CTBP1: variants seen among roughly 807,000 people sequenced by gnomAD.
CTBP1 encodes the protein C-terminal-binding protein 1.
In CTBP1, 11 loss-of-function variants were observed where a neutral mutation model predicts 42.1. The ratio of observed to expected loss-of-function variants is 0.26; its 90% CI spans 0.16 to 0.43. The LOEUF is 0.43. Ranked by LOEUF, CTBP1 falls within the 20% of genes least tolerant of loss-of-function variation. The pLI is 1.00. For missense variants in CTBP1, 399 were observed against 624.3 expected, an observed-to-expected ratio of 0.64 and a Z score of 3.85; for synonymous variants, 324 against 277.1, an observed-to-expected ratio of 1.17 and a Z score of -1.68.
chr4:1,241,561 G>A (rs754610099), intron 1 of CTBP1, 42 bp from the exon 2 acceptor site: 53 of 1,529,584 alleles, frequency 3.5e-5, no homozygotes, highest in Non-Finnish European at 4.5e-5. Flanking sequence ...TGCCATCGAA[G>A]GTCCGACCAG....
At position 1,223,040 on chromosome 4, in the gene CTBP1, C is replaced by A. The variant is rs113150506; in HGVS notation, c.514+2320G>T. 2.4e-3 allele frequency among the ~76,000 whole-genome samples: 366 copies of A among 151,606 alleles called. 1 individual carries two copies. The highest frequency in any genetic ancestry group is 8.4e-3 in the African/African-American group (347 of 41,376). On this transcript the variant is annotated intron_variant, in intron 5 of 9. Coordinates refer to ENST00000382952, the MANE Select transcript of CTBP1 (RefSeq NM_001012614.2). ...AGGCAAGGCACACATGAGGCGCCTC[C>A]TGTCCTGTGGGCTTGCTCTGGAGAC... is the stretch of plus-strand genomic sequence containing the variant.
At chr4:1,224,500 CTG>C (rs1345623863) in intron 5 of CTBP1, among the ~76,000 whole-genome samples, 4 of 151,232 alleles carry the variant, frequency 2.6e-5, no homozygotes, top group African/African-American at 9.8e-5. Context: ...TGTGTGATGT[CTG>C]TGAGGCCCAC....
At position 1,212,304 on chromosome 4, in the gene CTBP1, G is replaced by C. The variant is rs1728617893; in HGVS notation, c.1226C>G (p.Ala409Gly). 2 of 1,531,546 alleles carry C rather than the reference G, an allele frequency of 1.3e-6. No homozygotes were observed. Among genetic ancestry groups the C allele is most frequent in the Non-Finnish European group, 1.8e-6 (2 of 1,142,084 alleles). The allele number at this position is 1,531,546 out of a possible 1,614,324, so 94.9% of individuals were successfully genotyped here. The change falls in exon 10 of 10, where the codon GCC (alanine) becomes GGC (glycine). Residue 409 changes from alanine (A) to glycine (G), a missense_variant. Coordinates refer to ENST00000382952, the MANE Select transcript of CTBP1 (RefSeq NM_001012614.2). ...GLPPVAHPPH[A>G]PSPGQTVKPE... ...CTTGACGGTTTGGCCAGGAGAAGGG[G>C]CGTGGGGCGGGTGGGCCACAGGGGG...
At chr4:1,246,303 T>C (rs730830) in intron 1 of CTBP1, among the ~76,000 whole-genome samples, 122,677 of 152,070 alleles carry the variant, frequency 0.81, 51,144 homozygotes, top group East Asian at 0.97. Context: ...AGCGTTCCCT[T>C]GGGCGATGCA....
chr4:1,212,638 A>T, intron 9 of CTBP1: 1 of 609,630 alleles, frequency 1.6e-6, no homozygotes, highest in Admixed American at 3.1e-5. Flanking sequence ...CTTGAACATG[A>T]GGTCTTCGCC....
At chr4:1,248,667 G>T (rs1047317895) in intron 1 of CTBP1, 2 of 982,972 alleles carry the variant, frequency 2.0e-6, no homozygotes, top group African/African-American at 3.5e-5. Context: ...TCACCTGCAC[G>T]GGCCGCGGGC....
intron 4 of CTBP1, among the ~76,000 whole-genome samples, chr4:1,226,062 C>G (rs1730309794): frequency 2.0e-5 from 3 of 152,156 alleles, no homozygotes; most frequent in Admixed American, 2.0e-4. Flanking sequence ...GCCCCTTCCG[C>G]CCTCCATGCC....
At chr4:1,217,813 G>A (rs550035804) in intron 5 of CTBP1, 4 of 152,312 alleles carry the variant, frequency 2.6e-5, no homozygotes, top group Non-Finnish European at 4.4e-5. Flanking sequence ...CACTGGAAGC[G>A]GACAGACGCA....
chr4:1,227,342 AGT>A (rs1030759096), intron 4 of CTBP1, among the ~76,000 whole-genome samples: 24 of 146,580 alleles, frequency 1.6e-4, no homozygotes, highest in African/African-American at 5.6e-4. Context: ...GGTGCAGATG[AGT>A]GTGTGTGTTC....
rs1171393348 is a variant in CTBP1, at chr4:1,212,226, G to C, written c.*14C>G. 17 of 1,441,660 alleles carry C rather than the reference G, an allele frequency of 1.2e-5. No individual in the cohort carries two copies. The highest frequency in any genetic ancestry group is 2.8e-5 in the Admixed American group (1 of 35,098). 89.3% of individuals were successfully genotyped at this position (1,441,660 alleles called of 1,614,324 possible). Reference sequence around the variant, plus strand: ...CCTCTGCCCAGGCGCCGAGGCTGGAGAGCTCCTCCCGGGCTACAACTGGTC... The same window carrying C: ...CCTCTGCCCAGGCGCCGAGGCTGGACAGCTCCTCCCGGGCTACAACTGGTC... On this transcript the variant is annotated 3_prime_UTR_variant, in exon 10 of 10. Transcript: ENST00000382952.
chr4:1,238,870 G>A lies in CTBP1; in HGVS notation c.8-533C>T, dbSNP rs1014516590. ...AGCTCCATGAGGCAGGGGGACAGGAGGGACCCAGGACACTGGAGGACACAA... is the reference window on the plus strand; with the variant it reads ...AGCTCCATGAGGCAGGGGGACAGGAAGGACCCAGGACACTGGAGGACACAA... On this transcript the variant is annotated intron_variant, in intron 2 of 9. Coordinates refer to ENST00000382952, the MANE Select transcript of CTBP1 (RefSeq NM_001012614.2). This position sits in a 1 kb window ranked among gnomAD's most constrained non-coding sequence, Gnocchi z 5.9. Among the ~76,000 whole-genome samples, 1 of 151,788 alleles carries A rather than the reference G, an allele frequency of 6.6e-6. No homozygotes were observed. Among genetic ancestry groups the A allele is most frequent in the African/African-American group, 2.4e-5 (1 of 41,280 alleles).
intron 1 of CTBP1, chr4:1,242,890 C>T (rs1264112261): frequency 6.1e-6 from 6 of 985,338 alleles, no homozygotes; most frequent in Middle Eastern, 5.2e-4. Context: ...GCGCCACCCA[C>T]GCCCAGCCAA....
At chr4:1,225,736 G>A (rs1348365283) in intron 4 of CTBP1, among the ~76,000 whole-genome samples, 170 bp from the exon 5 acceptor site, 3 of 152,120 alleles carry the variant, frequency 2.0e-5, no homozygotes, top group Non-Finnish European at 1.5e-5. Flanking sequence ...CTCACAGGTC[G>A]GGCGCAACAG....
upstream of CTBP1, chr4:1,249,801 C>T (rs1733160300): frequency 8.1e-6 from 2 of 246,022 alleles, no homozygotes; most frequent in Non-Finnish European, 1.7e-5. Flanking sequence ...GACCCCATTT[C>T]TCTTTTAACA....
intron 1 of CTBP1, chr4:1,248,663 G>A (rs1457540500): frequency 1.7e-4 from 171 of 983,154 alleles, no homozygotes; most frequent in Non-Finnish European, 1.9e-4. Context: ...TGTGTCACCT[G>A]CACGGGCCGC....
At chr4:1,242,049 G>A (rs150839046) in intron 1 of CTBP1, 20,555 of 988,152 alleles carry the variant, frequency 0.021, 243 homozygotes, top group Non-Finnish European at 0.023. Context: ...GCACTGAGCC[G>A]CGCCGGCTCC....
intron 5 of CTBP1, among the ~76,000 whole-genome samples, chr4:1,223,214 C>T (rs967707981): frequency 1.1e-4 from 16 of 152,150 alleles, no homozygotes; most frequent in African/African-American, 3.4e-4. Flanking sequence ...ACCACACATG[C>T]GGGCCATGGC....
intron 1 of CTBP1, chr4:1,243,771 C>T: frequency 1.0e-6 from 1 of 985,446 alleles, no homozygotes; most frequent in South Asian, 4.7e-5. Context: ...GAGGTGAAGG[C>T]ACACGGCTCC....
At chr4:1,225,826 T>G (rs1730277276) in intron 4 of CTBP1, among the ~76,000 whole-genome samples, 1 of 152,188 alleles carries the variant, frequency 6.6e-6, no homozygotes, top group South Asian at 2.1e-4. Context: ...GTGGTAGGGC[T>G]GGGGTGTGAG....
Sources: gnomAD v4.1 joint callset for allele counts (sites outside exome capture counted in the v4.1 genomes callset) on GRCh38, gnomAD v4.1.1 for gene constraint, Gnocchi (gnomAD v3.1) non-coding constraint, MANE v1.5 for transcripts, NCBI Gene and HGNC (gene_info 2026-07-23, HGNC 2026-07-21) for gene names.